SLC41A1: variants seen among roughly 807,000 people sequenced by gnomAD.
The protein encoded by SLC41A1 is solute carrier family 41 member 1, also known as solute carrier family 41 (magnesium transporter), member 1.
SLC41A1 carries 20 observed loss-of-function variants against 47.3 expected under a neutral mutation model. That is an observed-to-expected ratio of 0.42 (90% CI 0.30 to 0.61). SLC41A1 has a LOEUF of 0.61. SLC41A1 is among the 20% of genes least tolerant of loss of function. SLC41A1 has a pLI of 0.17. For missense variants in SLC41A1, 504 were observed against 674.1 expected, an observed-to-expected ratio of 0.75 and a Z score of 2.79; for synonymous variants, 282 against 272.7, an observed-to-expected ratio of 1.03 and a Z score of -0.34.
chr1:205,805,092 A>C (rs1438896121), intron 2 of SLC41A1, among the ~76,000 whole-genome samples: 1 of 152,186 alleles, frequency 6.6e-6, no homozygotes, highest in African/African-American at 2.4e-5. Context: ...CAGTGGGATA[A>C]GAGACAGACA....
chr1:205,798,602 T>C lies in SLC41A1; in HGVS notation c.844+67A>G, dbSNP rs947801044. 8.7e-6 allele frequency: 14 copies of C among 1,609,164 alleles called. No individual in the cohort carries two copies. In the African/African-American group the frequency reaches 1.2e-4, roughly 14 times the overall value. On this transcript the variant is annotated intron_variant, in intron 6 of 10. Coordinates refer to ENST00000367137, the MANE Select transcript of SLC41A1 (RefSeq NM_173854.6). Reference sequence around the variant, plus strand: ...AACACAGAAGAAACTCTTGCACATTTGCAAACTACTACCATCTCTCCCAAC... The same window carrying C: ...AACACAGAAGAAACTCTTGCACATTCGCAAACTACTACCATCTCTCCCAAC...
rs762413218 is a variant in SLC41A1 at position 205,809,507 on chromosome 1, C to T, written c.372+563G>A. Among the ~76,000 whole-genome samples, 5 of 152,132 alleles carry T rather than the reference C, an allele frequency of 3.3e-5. No individual in the cohort carries two copies. The East Asian group carries it at 9.6e-4, about 29-fold the overall frequency. ...CAAATCATGCATCAGACAGCAAGTGCCCACCCCCACCCCCCAAGGGGATTA... is the reference window on the plus strand; with the variant it reads ...CAAATCATGCATCAGACAGCAAGTGTCCACCCCCACCCCCCAAGGGGATTA... On this transcript the variant is annotated intron_variant, in intron 2 of 10. Transcript: ENST00000367137.
intron 4 of SLC41A1, 32 bp downstream of exon 4, chr1:205,799,727 T>G: frequency 6.2e-7 from 1 of 1,611,590 alleles, no homozygotes; most frequent in Non-Finnish European, 8.5e-7. Context: ...AGGGGAAGCT[T>G]AGCCCACCCT....
rs554107792 is a variant in SLC41A1 at position 205,812,227 on chromosome 1, G to A, written c.-647+581C>T. Among the ~76,000 whole-genome samples, 57 of 152,328 alleles carry A rather than the reference G, an allele frequency of 3.7e-4. 1 individual carries two copies. Among genetic ancestry groups the A allele is most frequent in the African/African-American group, 1.4e-3 (57 of 41,556 alleles). ...CCAGGTAAGAGGAACAGGTCCTTAA[G>A]TATTCCAAACACACACAATTAGTCA... On this transcript the variant is annotated intron_variant, in intron 1 of 10. Transcript: ENST00000367137.
At chr1:205,808,156 G>C (rs2102510765) in intron 2 of SLC41A1, among the ~76,000 whole-genome samples, 1 of 152,156 alleles carries the variant, frequency 6.6e-6, no homozygotes, top group Middle Eastern at 3.4e-3. Flanking sequence ...GGGTTTCACT[G>C]TGTTGGCCAG....
Position 205,798,666 on chromosome 1 carries a change from C to T in SLC41A1, c.844+3G>A. On this transcript the variant is annotated splice_donor_region_variant and intron_variant, in intron 6 of 10. Coordinates refer to ENST00000367137, the MANE Select transcript of SLC41A1 (RefSeq NM_173854.6). ...CCAAGAAGCCACACTCTTGGTGGCT[C>T]ACTCAGTTCCAGGTAGAGTCCCCAG... 6.2e-7 allele frequency: 1 copy of T among 1,614,204 alleles called. No individual in the cohort carries two copies. The highest frequency in any genetic ancestry group is 8.5e-7 in the Non-Finnish European group (1 of 1,180,034).
intron 6 of SLC41A1, 86 bp downstream of exon 6, chr1:205,798,583 G>C: frequency 6.3e-7 from 1 of 1,584,424 alleles, no homozygotes; most frequent in Non-Finnish European, 8.7e-7. Context: ...TAAGAACACA[G>C]AAGAAACTCT....
In SLC41A1 at chr1:205,810,028, G is replaced by A; in HGVS notation, c.372+42C>T. 1 of 1,613,578 alleles carries A rather than the reference G, an allele frequency of 6.2e-7. No individual in the cohort carries two copies. The highest frequency in any genetic ancestry group is 8.5e-7 in the Non-Finnish European group (1 of 1,179,842). ...CCAAGTTTCCCAGCAGGCAAAGGTG[G>A]CCCTGGGCTCACAGTCAAGAGCTGC... is the stretch of plus-strand genomic sequence containing the variant. On this transcript the variant is annotated intron_variant, in intron 2 of 10. Transcript: ENST00000367137. This position sits in a 1 kb window ranked among gnomAD's most constrained non-coding sequence, Gnocchi z 5.5.
At position 205,810,852 on chromosome 1, in the gene SLC41A1, T is replaced by C. The variant is rs1656134544; in HGVS notation, c.-411A>G. ...GCCCTCTGAAGTGGCCCCTCTTCCGTAAAAAGCAGCTTGAGTTCAAATCTT... is the reference window on the plus strand; with the variant it reads ...GCCCTCTGAAGTGGCCCCTCTTCCGCAAAAAGCAGCTTGAGTTCAAATCTT... On this transcript the variant is annotated 5_prime_UTR_variant, in exon 2 of 11. Transcript: ENST00000367137. The surrounding 1 kb of genome is among the most constrained non-coding windows in gnomAD (Gnocchi z 5.5). 4.4e-6 allele frequency: 1 copy of C among 224,806 alleles called. No individual in the cohort carries two copies. The highest frequency in any genetic ancestry group is 9.0e-6 in the Non-Finnish European group (1 of 111,620). 13.9% of individuals were successfully genotyped at this position (224,806 alleles called of 1,614,324 possible).
chr1:205,811,789 C>T lies in SLC41A1; in HGVS notation c.-646-702G>A, dbSNP rs1186704289. Among the ~76,000 whole-genome samples the T allele has an allele frequency of 2.6e-5, 4 of 152,196 alleles. No homozygotes were observed. In the East Asian group the frequency reaches 7.7e-4, roughly 29 times the overall value. On this transcript the variant is annotated intron_variant, in intron 1 of 10. Coordinates refer to ENST00000367137, the MANE Select transcript of SLC41A1 (RefSeq NM_173854.6). ...AAGAGCTCAGACAGCTGACTCGGAT[C>T]CAGGCCTCTGTCTCTCCCCGTCTCC...
At chr1:205,800,445 G>GT (rs2102505319) in intron 3 of SLC41A1, among the ~76,000 whole-genome samples, 1 of 152,320 alleles carries the variant, frequency 6.6e-6, no homozygotes, top group East Asian at 1.9e-4. Flanking sequence ...GCTCACAACT[G>GT]TGGGAGGTAG....
At chr1:205,801,835 T>C (rs1487680784) in intron 2 of SLC41A1, among the ~76,000 whole-genome samples, 1 of 152,222 alleles carries the variant, frequency 6.6e-6, no homozygotes, top group African/African-American at 2.4e-5. Context: ...AAGGACTGAT[T>C]GTGTGCTAGG....
At position 205,803,632 on chromosome 1, in the gene SLC41A1, CTT is replaced by C. The variant is rs140199204; in HGVS notation, c.373-2574_373-2573del. ...CTGAGGTATCCAAAGTAGTCAAATTCTTTTTTTTTTTTTTTTTTTTCTTGAGA... is the reference window on the plus strand; with the variant it reads ...CTGAGGTATCCAAAGTAGTCAAATTCTTTTTTTTTTTTTTTTTTCTTGAGA... On this transcript the variant is annotated intron_variant, in intron 2 of 10. Coordinates refer to ENST00000367137, the MANE Select transcript of SLC41A1 (RefSeq NM_173854.6). 3.4e-3 allele frequency among the ~76,000 whole-genome samples: 406 copies of C among 120,952 alleles called. 1 individual carries two copies. The highest frequency in any genetic ancestry group is 5.3e-3 in the African/African-American group (186 of 34,950). The allele number at this position is 120,952 out of a possible 152,430, so 79.3% of individuals were successfully genotyped here.
At chr1:205,807,099 T>C (rs1247755766) in intron 2 of SLC41A1, among the ~76,000 whole-genome samples, 2 of 152,080 alleles carry the variant, frequency 1.3e-5, no homozygotes, top group African/African-American at 4.8e-5. Context: ...TCTTAGCTTA[T>C]GAAGGGGTAA....
Position 205,813,070 on chromosome 1 carries a change from C to A in SLC41A1, c.-909G>T. On this transcript the variant is annotated 5_prime_UTR_variant, in exon 1 of 11. Coordinates refer to ENST00000367137, the MANE Select transcript of SLC41A1 (RefSeq NM_173854.6). ...CCGGGGAGGGCAGGATATATCGCTTCGGGCCCGGCGGGGGGGCACCCGGAC... is the reference window on the plus strand; with the variant it reads ...CCGGGGAGGGCAGGATATATCGCTTAGGGCCCGGCGGGGGGGCACCCGGAC... 1.0e-6 allele frequency: 1 copy of A among 985,512 alleles called. No individual in the cohort carries two copies. The allele number at this position is 985,512 out of a possible 1,614,324, so 61.0% of individuals were successfully genotyped here. A position where few individuals can be genotyped will look rare whatever the true frequency, so the allele number is the denominator to read the frequency against.
intron 10 of SLC41A1, among the ~76,000 whole-genome samples, chr1:205,794,222 T>C (rs1360247833): frequency 1.3e-5 from 2 of 152,174 alleles, no homozygotes; most frequent in African/African-American, 4.8e-5. Flanking sequence ...GCTAATTTCC[T>C]GATTTTGATA....
At chr1:205,808,007 G>A (rs963001619) in intron 2 of SLC41A1, among the ~76,000 whole-genome samples, 2 of 151,360 alleles carry the variant, frequency 1.3e-5, no homozygotes, top group African/African-American at 4.9e-5. Context: ...CCAGGCTGGA[G>A]AGCAGTGGCA....
chr1:205,810,297 C>T lies in SLC41A1; in HGVS notation c.145G>A (p.Val49Met), dbSNP rs1412897596. The T allele has an allele frequency of 1.9e-6, 3 of 1,614,084 alleles. No homozygotes were observed. The highest frequency in any genetic ancestry group is 2.7e-5 in the African/African-American group (2 of 74,932). Residue 49 changes from valine to methionine, a missense_variant, in exon 2 of 11, where the codon GTG becomes ATG. Physicochemically the swap from Val to Met is conservative, Grantham distance 21 (BLOSUM62 1). Around this residue, in one of 2 missense-constraint regions of SLC41A1, gnomAD observed 83 missense variants for 72.5 expected, o/e 1.15. Transcript: ENST00000367137. The surrounding 1 kb of genome is among the most constrained non-coding windows in gnomAD (Gnocchi z 5.5). ...GCGTTGGCCCGAGACTCAATCACCA[C>T]CTCTACCCCAGCCCCATCAGGCCCC... Reference protein sequence around the residue: ...FLGPDGAGVEVVIESRANAKG... With the variant: ...FLGPDGAGVEMVIESRANAKG...
chr1:205,799,235 C>T, intron 4 of SLC41A1, 134 bp from the exon 5 acceptor site: 2 of 1,187,592 alleles, frequency 1.7e-6, no homozygotes, highest in South Asian at 1.3e-5. Context: ...TGGTCCAGTC[C>T]TCCCAGGCTG....
Sources: allele counts gnomAD v4.1 joint callset (sites outside exome capture counted in the v4.1 genomes callset), GRCh38; gene constraint gnomAD v4.1.1; regional missense constraint gnomAD v4.1.1; non-coding constraint Gnocchi (gnomAD v3.1); transcripts MANE v1.5; gene names NCBI Gene and HGNC (gene_info 2026-07-23, HGNC 2026-07-21).